Variants in TSHR observed in about 807,000 individuals in gnomAD.
TSHR encodes thyrotropin receptor.
In TSHR, 51 loss-of-function variants were observed where a neutral mutation model predicts 64.1. That is an observed-to-expected ratio of 0.80 (90% CI 0.64 to 1.01). TSHR has a LOEUF of 1.01. Ranked by LOEUF, TSHR falls within the 50% of genes least tolerant of loss-of-function variation. The pLI is 0.00. For synonymous variants in TSHR, 361 were observed against 361.9 expected (o/e 1.00, Z 0.03); for missense variants, 877 against 942.8 (o/e 0.93, Z 0.91).
At chr14:81,073,205 C>T (rs1368819407) in intron 3 of TSHR, among the ~76,000 whole-genome samples, 1 of 150,256 alleles carries the variant, frequency 6.7e-6, no homozygotes, top group South Asian at 2.1e-4. Flanking sequence ...TAGCTTCAAA[C>T]CATATAAAGC....
In TSHR at chr14:80,972,987, AGGCCT is replaced by A. The variant is rs150349857; in HGVS notation, c.170+17141_170+17145del. Reference sequence around the variant, plus strand: ...ACCCAAAGGGAAAACAGATGTAAACAGGCCTGGCTAAAGCTTGCAGCAATTTTTGG... The same window carrying A: ...ACCCAAAGGGAAAACAGATGTAAACAGGCTAAAGCTTGCAGCAATTTTTGG... On this transcript the variant is annotated intron_variant, in intron 1 of 9. Coordinates refer to ENST00000298171, the MANE Select transcript of TSHR (RefSeq NM_000369.5). Among the ~76,000 whole-genome samples the A allele has an allele frequency of 6.3e-3, 957 of 152,330 alleles. 16 individuals are homozygous for A. The highest frequency in any genetic ancestry group is 0.022 in the African/African-American group (926 of 41,566).
chr14:80,989,036 C>T (rs1888605782), intron 1 of TSHR, among the ~76,000 whole-genome samples: 1 of 152,218 alleles, frequency 6.6e-6, no homozygotes, highest in Non-Finnish European at 1.5e-5. Context: ...TGTCTGGGAG[C>T]ACCTCAAATT....
intron 1 of TSHR, among the ~76,000 whole-genome samples, chr14:80,959,771 G>T (rs954285130): frequency 3.9e-5 from 6 of 152,128 alleles, no homozygotes; most frequent in African/African-American, 1.2e-4. Context: ...TGCATCTGTG[G>T]CTCTAATTGA....
At chr14:81,107,263 C>A (rs1195084231) in intron 7 of TSHR, 5 of 152,072 alleles carry the variant, frequency 3.3e-5, no homozygotes, top group Non-Finnish European at 7.4e-5. Flanking sequence ...GAAGAGCAAA[C>A]CCCGTAAGTA....
chr14:81,026,792 T>A (rs1884079905), intron 1 of TSHR, among the ~76,000 whole-genome samples: 2 of 152,206 alleles, frequency 1.3e-5, no homozygotes, highest in South Asian at 4.2e-4. Context: ...TCCCAGCACT[T>A]TGGAAGGTAG....
chr14:81,102,910 A>G (rs1889677938), intron 7 of TSHR: 1 of 985,262 alleles, frequency 1.0e-6, no homozygotes, highest in African/African-American at 1.7e-5. Context: ...TACAGATCCA[A>G]TCATAATAGA....
intron 1 of TSHR, among the ~76,000 whole-genome samples, chr14:80,976,915 G>C (rs1265870872): frequency 6.6e-6 from 1 of 152,250 alleles, no homozygotes; most frequent in Non-Finnish European, 1.5e-5. Context: ...CATCCATATA[G>C]AGGTTTGTGA....
Position 81,068,357 on chromosome 14 carries a change from C to T in TSHR, c.317+29C>T, listed in dbSNP as rs954949425. 2.5e-6 allele frequency: 4 copies of T among 1,605,674 alleles called. No homozygotes were observed. The African/African-American group carries it at 4.0e-5, about 16-fold the overall frequency. ...AGTACAAGGAAAAGTGCAGCATAGACCTAAGCCACAACCACTCTTGACTGA... is the reference window on the plus strand; with the variant it reads ...AGTACAAGGAAAAGTGCAGCATAGATCTAAGCCACAACCACTCTTGACTGA... On this transcript the variant is annotated intron_variant, in intron 3 of 9. Transcript: ENST00000298171.
At position 81,144,844 on chromosome 14, in the gene TSHR, A is replaced by G. The variant is rs147860420; in HGVS notation, c.*491A>G. 4.2e-6 allele frequency: 1 copy of G among 239,030 alleles called. No individual in the cohort carries two copies. Among genetic ancestry groups the G allele is most frequent in the Non-Finnish European group, 8.2e-6 (1 of 121,758 alleles). The allele number at this position is 239,030 out of a possible 1,614,324, so 14.8% of individuals were successfully genotyped here. A position where few individuals can be genotyped will look rare whatever the true frequency, so the allele number is the denominator to read the frequency against. ...GAGAACTTGATTTCCTTAAAACTGAAAAGCCAAACACAGCTAGCTGTCATA... is the reference window on the plus strand; with the variant it reads ...GAGAACTTGATTTCCTTAAAACTGAGAAGCCAAACACAGCTAGCTGTCATA... On this transcript the variant is annotated 3_prime_UTR_variant, in exon 10 of 10. Transcript: ENST00000298171.
intron 7 of TSHR, chr14:81,104,734 T>C (rs1889787728): frequency 1.0e-6 from 1 of 985,420 alleles, no homozygotes; most frequent in East Asian, 1.1e-4. Flanking sequence ...CCTGACTGCA[T>C]TGGTCTTCCC....
intron 3 of TSHR, among the ~76,000 whole-genome samples, chr14:81,075,405 C>T (rs1260767817): frequency 6.6e-6 from 1 of 152,128 alleles, no homozygotes; most frequent in Non-Finnish European, 1.5e-5. Flanking sequence ...GGGTCTGTGA[C>T]CTAGAATTGT....
chr14:80,961,093 G>A (rs546609559), intron 1 of TSHR, among the ~76,000 whole-genome samples: 1 of 152,360 alleles, frequency 6.6e-6, no homozygotes, highest in African/African-American at 2.4e-5. Flanking sequence ...AATAGGAGAC[G>A]CAGAACTGGG....
intron 1 of TSHR, among the ~76,000 whole-genome samples, chr14:81,019,931 T>A (rs1054483713): frequency 2.0e-5 from 3 of 152,234 alleles, no homozygotes; most frequent in Non-Finnish European, 4.4e-5. Context: ...CATGTGCATG[T>A]GTCTTTATAG....
intron 1 of TSHR, among the ~76,000 whole-genome samples, chr14:81,010,168 G>C (rs2139775299): frequency 6.6e-6 from 1 of 151,618 alleles, no homozygotes; most frequent in Middle Eastern, 3.5e-3. Flanking sequence ...ATTATTTATT[G>C]CCTTATCTTT....
At chr14:81,092,186 A>G (rs1256169388) in intron 5 of TSHR, among the ~76,000 whole-genome samples, 2 of 152,192 alleles carry the variant, frequency 1.3e-5, no homozygotes, top group African/African-American at 4.8e-5. Context: ...AGGTCCATGC[A>G]TGTAGAAAAC....
chr14:81,023,047 C>T (rs1883856911), intron 1 of TSHR, among the ~76,000 whole-genome samples: 1 of 149,610 alleles, frequency 6.7e-6, no homozygotes, highest in Non-Finnish European at 1.5e-5. Context: ...GTGCCTTGAT[C>T]TTGGGCTTCC....
At chr14:81,075,599 C>G (rs986117260) in intron 3 of TSHR, among the ~76,000 whole-genome samples, 1 of 150,786 alleles carries the variant, frequency 6.6e-6, no homozygotes, top group African/African-American at 2.4e-5. Flanking sequence ...CACCCACTAA[C>G]TCGTCATCTA....
intron 1 of TSHR, among the ~76,000 whole-genome samples, chr14:81,042,192 G>A (rs1283055096): frequency 6.6e-6 from 1 of 152,124 alleles, no homozygotes; most frequent in Non-Finnish European, 1.5e-5. Flanking sequence ...TACACTTTTG[G>A]TGGTAAATTA....
intron 3 of TSHR, among the ~76,000 whole-genome samples, chr14:81,070,131 C>G (rs187165939): frequency 6.6e-6 from 1 of 152,010 alleles, no homozygotes; most frequent in African/African-American, 2.4e-5. Flanking sequence ...AATAAAAAAT[C>G]TAGCATACCT....
Sources: allele counts gnomAD v4.1 joint callset (sites outside exome capture counted in the v4.1 genomes callset), GRCh38; gene constraint gnomAD v4.1.1; transcripts MANE v1.5; gene names NCBI Gene and HGNC (gene_info 2026-07-23, HGNC 2026-07-21).